COL23A1: variants seen among roughly 807,000 people sequenced by gnomAD.
COL23A1 encodes the protein collagen alpha-1(XXIII) chain.
In COL23A1, 97 loss-of-function variants were observed where a neutral mutation model predicts 99.3. The observed-to-expected ratio is 0.98, with a 90% CI of 0.83 to 1.16. The LOEUF is 1.16. Among genes scored for constraint, COL23A1 ranks in the 50% most tolerant of loss-of-function variants. The pLI, the probability that COL23A1 is intolerant of heterozygous loss-of-function variation, is 0.00. For missense variants in COL23A1, 762 were observed against 757.4 expected (o/e 1.01, Z -0.07); for synonymous variants, 320 against 308.2 (o/e 1.04, Z -0.40).
At chr5:178,267,373 C>A (rs1755962675) in intron 7 of COL23A1, 40 bp from the exon 8 acceptor site, 3 of 1,607,228 alleles carry the variant, frequency 1.9e-6, no homozygotes, top group South Asian at 2.2e-5. Context: ...CCACTGCTTT[C>A]ATCGTTTCTT....
Position 178,523,193 on chromosome 5 carries a change from TATATATATAGAG to T in COL23A1, c.361+37477_361+37488del, listed in dbSNP as rs1204507339. Reference sequence around the variant, plus strand: ...ATATATATATACACATATATATATATATATATATAGAGAGAGAGAGAGAGAGAGAGAGACAGA... The same window carrying T: ...ATATATATATACACATATATATATATAGAGAGAGAGAGAGAGAGAGACAGA... On this transcript the variant is annotated intron_variant, in intron 2 of 28. Coordinates refer to ENST00000390654, the MANE Select transcript of COL23A1 (RefSeq NM_173465.4). Among the ~76,000 whole-genome samples the T allele has an allele frequency of 7.8e-3, 626 of 79,990 alleles. 6 individuals carry two copies. Among genetic ancestry groups the T allele is most frequent in the African/African-American group, 0.023 (583 of 25,422 alleles). The allele number at this position is 79,990 out of a possible 152,430, so 52.5% of individuals were successfully genotyped here.
chr5:178,345,009 G>A, intron 2 of COL23A1: 2 of 575,696 alleles, frequency 3.5e-6, no homozygotes, highest in South Asian at 3.0e-5. Flanking sequence ...CCACCCTCAT[G>A]AAGCTGAGGA....
At chr5:178,510,313 G>A (rs1562038032) in intron 2 of COL23A1, among the ~76,000 whole-genome samples, 1 of 152,156 alleles carries the variant, frequency 6.6e-6, no homozygotes, top group South Asian at 2.1e-4. Flanking sequence ...AGGCCGAGGC[G>A]GGCGGATCAC....
intron 2 of COL23A1, among the ~76,000 whole-genome samples, chr5:178,542,277 C>T (rs180726641): frequency 4.6e-5 from 7 of 152,284 alleles, no homozygotes; most frequent in East Asian, 1.9e-4. Flanking sequence ...TGGTCTCGCC[C>T]GCCTCAGCCT....
At chr5:178,582,052 G>A (rs1277164107) in intron 1 of COL23A1, among the ~76,000 whole-genome samples, 1 of 151,558 alleles carries the variant, frequency 6.6e-6, no homozygotes, top group African/African-American at 2.4e-5. Flanking sequence ...AAAAGTGCGG[G>A]GCAGGGGGAA....
At chr5:178,437,955 C>T (rs1766654125) in intron 2 of COL23A1, among the ~76,000 whole-genome samples, 1 of 152,160 alleles carries the variant, frequency 6.6e-6, no homozygotes, top group African/African-American at 2.4e-5. Flanking sequence ...GCTCAGAGGC[C>T]CCTGACCACC....
chr5:178,540,151 A>G (rs1761208732), intron 2 of COL23A1, among the ~76,000 whole-genome samples: 1 of 152,206 alleles, frequency 6.6e-6, no homozygotes, highest in Non-Finnish European at 1.5e-5. Flanking sequence ...TCTATTCAGC[A>G]CTACTGAAGG....
In COL23A1 at chr5:178,270,366, G is replaced by C; in HGVS notation, c.442-3C>G. ...TTGCCATCCAAACCCAGGGGTCCCT[G>C]GAAAACGAGAGAGAGAGAACACAGG... is the stretch of plus-strand genomic sequence containing the variant. On this transcript the variant is annotated splice_polypyrimidine_tract_variant and splice_region_variant and intron_variant, in intron 5 of 28. Transcript: ENST00000390654. The C allele has an allele frequency of 6.2e-7, 1 of 1,613,896 alleles. No individual in the cohort carries two copies.
chr5:178,476,116 A>C (rs1757013859), intron 2 of COL23A1, among the ~76,000 whole-genome samples: 1 of 152,184 alleles, frequency 6.6e-6, no homozygotes, highest in Non-Finnish European at 1.5e-5. Flanking sequence ...TAGTCCTGTG[A>C]ATGTCCCCTG....
chr5:178,426,873 C>T (rs1323530405), intron 2 of COL23A1, among the ~76,000 whole-genome samples: 1 of 152,168 alleles, frequency 6.6e-6, no homozygotes, highest in Non-Finnish European at 1.5e-5. Flanking sequence ...AGACGCTGCC[C>T]ATCATATGCC....
At chr5:178,513,943 G>A (rs1270536618) in intron 2 of COL23A1, among the ~76,000 whole-genome samples, 1 of 151,976 alleles carries the variant, frequency 6.6e-6, no homozygotes, top group African/African-American at 2.4e-5. Context: ...AATTGTCCGG[G>A]TCAATGGCAT....
intron 7 of COL23A1, among the ~76,000 whole-genome samples, chr5:178,268,437 T>C (rs1756032504): frequency 6.6e-6 from 1 of 152,172 alleles, no homozygotes; most frequent in African/African-American, 2.4e-5. Flanking sequence ...CCCTTCACCA[T>C]GAAGTCCTCT....
At chr5:178,532,276 T>C (rs2113219218) in intron 2 of COL23A1, among the ~76,000 whole-genome samples, 1 of 152,362 alleles carries the variant, frequency 6.6e-6, no homozygotes, top group African/African-American at 2.4e-5. Context: ...TTAGTAACCA[T>C]GTCTTGGGCA....
intron 3 of COL23A1, among the ~76,000 whole-genome samples, chr5:178,305,057 A>G (rs1229319004): frequency 6.6e-6 from 1 of 152,200 alleles, no homozygotes; most frequent in East Asian, 1.9e-4. Flanking sequence ...TCCAAAAAGC[A>G]TGTCAGGAAC....
intron 2 of COL23A1, among the ~76,000 whole-genome samples, chr5:178,410,797 G>C (rs751752922): frequency 6.6e-6 from 1 of 152,134 alleles, no homozygotes. Flanking sequence ...CAAAACTTTT[G>C]TGTGTTAAAG....
intron 3 of COL23A1, among the ~76,000 whole-genome samples, chr5:178,302,387 G>C (rs1758116804): frequency 6.8e-6 from 1 of 147,198 alleles, no homozygotes; most frequent in Non-Finnish European, 1.5e-5. Flanking sequence ...ACCTGTGTGT[G>C]CGCCGGAGCA....
chr5:178,571,624 A>G (rs181728238), intron 1 of COL23A1, among the ~76,000 whole-genome samples: 206 of 152,318 alleles, frequency 1.4e-3, no homozygotes, highest in African/African-American at 4.5e-3. Flanking sequence ...CAGCAGGAAA[A>G]TAGGCCCTAT....
rs73344841 is a variant in COL23A1, at chr5:178,309,199, A to G, written c.362-2280T>C. Among the ~76,000 whole-genome samples, 4,244 of 152,300 alleles carry G rather than the reference A, an allele frequency of 0.028. 194 individuals carry two copies. Among genetic ancestry groups the G allele is most frequent in the African/African-American group, 0.097 (4,021 of 41,570 alleles). On this transcript the variant is annotated intron_variant, in intron 2 of 28. Transcript: ENST00000390654. This position sits in a 1 kb window ranked among gnomAD's most constrained non-coding sequence, Gnocchi z 4.7. Reference sequence around the variant, plus strand: ...TGAAGACATCTGCCTGTGTTGGGGCAGCTGAACTAACGGATTTGTCTGGTG... The same window carrying G: ...TGAAGACATCTGCCTGTGTTGGGGCGGCTGAACTAACGGATTTGTCTGGTG...
Position 178,541,360 on chromosome 5 carries a change from G to T in COL23A1, c.361+19322C>A, listed in dbSNP as rs551878418. 4.3e-4 allele frequency among the ~76,000 whole-genome samples: 65 copies of T among 152,314 alleles called. 1 individual carries two copies. Among genetic ancestry groups the T allele is most frequent in the Admixed American group, 3.3e-3 (50 of 15,296 alleles). On this transcript the variant is annotated intron_variant, in intron 2 of 28. Coordinates refer to ENST00000390654, the MANE Select transcript of COL23A1 (RefSeq NM_173465.4). ...CCCAGCACTTTGGGAGGCCAAGGCG[G>T]GTGGATCACTTGAGGCCAGGAGTTC... is the stretch of plus-strand genomic sequence containing the variant.
Sources: allele counts gnomAD v4.1 joint callset (sites outside exome capture counted in the v4.1 genomes callset), GRCh38; gene constraint gnomAD v4.1.1; non-coding constraint Gnocchi (gnomAD v3.1); transcripts MANE v1.5; gene names NCBI Gene and HGNC (gene_info 2026-07-23, HGNC 2026-07-21).